The following DCC variants were observed in gnomAD, a reference collection of about 807,000 sequenced individuals.
DCC encodes the protein DCC netrin 1 receptor.
A neutral mutation model predicts 172.5 loss-of-function variants in DCC; 58 were observed. The ratio of observed to expected loss-of-function variants is 0.34; its 90% CI spans 0.27 to 0.42. The LOEUF (loss-of-function observed/expected upper bound fraction) is 0.42, where lower values mean the gene tolerates loss of function less well. DCC is among the 10% of genes least tolerant of loss of function. The pLI is 1.00. For missense variants in DCC, 1,740 were observed against 1,791.0 expected (o/e 0.97, Z 0.51); for synonymous variants, 709 against 644.5 (o/e 1.10, Z -1.52).
intron 1 of DCC, among the ~76,000 whole-genome samples, chr18:52,459,587 C>T (rs940286175): frequency 2.0e-5 from 3 of 152,030 alleles, no homozygotes; most frequent in African/African-American, 7.2e-5. Context: ...TCTGCCTCAG[C>T]CTCCCCAGTA....
At chr18:53,502,051 C>G (rs1024067824) in intron 27 of DCC, among the ~76,000 whole-genome samples, 1 of 152,128 alleles carries the variant, frequency 6.6e-6, no homozygotes, top group Non-Finnish European at 1.5e-5. Context: ...AAGAACCATT[C>G]TCTGATCTAA....
intron 8 of DCC, among the ~76,000 whole-genome samples, chr18:53,164,990 G>A (rs891144452): frequency 2.6e-5 from 4 of 152,250 alleles, no homozygotes; most frequent in Admixed American, 1.3e-4. Flanking sequence ...CTAGTCCAGT[G>A]ATCTCTTCAC....
chr18:53,022,539 ATGTG>A (rs1426863654), intron 5 of DCC, among the ~76,000 whole-genome samples: 1 of 117,722 alleles, frequency 8.5e-6, no homozygotes, highest in African/African-American at 2.7e-5. Flanking sequence ...TTATATATAT[ATGTG>A]CGTGTGTGTG....
chr18:52,579,674 G>T (rs1431217403), intron 1 of DCC, among the ~76,000 whole-genome samples: 3 of 152,132 alleles, frequency 2.0e-5, no homozygotes, highest in Non-Finnish European at 4.4e-5. Flanking sequence ...TCTTCAATCT[G>T]CATGCAGTTC....
At chr18:52,355,590 C>G (rs193106325) in intron 1 of DCC, among the ~76,000 whole-genome samples, 1 of 152,104 alleles carries the variant, frequency 6.6e-6, no homozygotes, top group Non-Finnish European at 1.5e-5. Flanking sequence ...TTTGTTCATT[C>G]GACAGATGTT....
intron 1 of DCC, among the ~76,000 whole-genome samples, chr18:52,723,188 T>G (rs1349806837): frequency 6.6e-6 from 1 of 152,180 alleles, no homozygotes; most frequent in Non-Finnish European, 1.5e-5. Flanking sequence ...GAACTCTCCT[T>G]ATATTGTTTG....
intron 1 of DCC, among the ~76,000 whole-genome samples, chr18:52,624,091 A>G (rs2034528833): frequency 6.6e-6 from 1 of 152,166 alleles, no homozygotes; most frequent in Admixed American, 6.5e-5. Flanking sequence ...AATGAAAGGA[A>G]CTTAACATAT....
chr18:53,195,743 T>C (rs1385649246), intron 9 of DCC, among the ~76,000 whole-genome samples: 3 of 152,162 alleles, frequency 2.0e-5, no homozygotes, highest in African/African-American at 7.2e-5. Flanking sequence ...CAATTCTTAA[T>C]TGTTCTTCAA....
At chr18:52,716,729 T>A (rs1021542409) in intron 1 of DCC, among the ~76,000 whole-genome samples, 7 of 152,368 alleles carry the variant, frequency 4.6e-5, no homozygotes, top group African/African-American at 1.7e-4. Flanking sequence ...ATGAGCCTCA[T>A]AAAGACTATG....
chr18:52,663,446 G>T (rs935373644), intron 1 of DCC, among the ~76,000 whole-genome samples: 3 of 152,112 alleles, frequency 2.0e-5, no homozygotes, highest in East Asian at 1.9e-4. Context: ...GAGGAGTGTT[G>T]TACTGCTAAG....
chr18:52,631,325 A>C (rs146971484), intron 1 of DCC, among the ~76,000 whole-genome samples: 1 of 152,244 alleles, frequency 6.6e-6, no homozygotes, highest in Non-Finnish European at 1.5e-5. Context: ...AAACAGAAAA[A>C]GCTTAGAGGA....
chr18:52,813,647 G>A (rs2038239637), intron 2 of DCC, among the ~76,000 whole-genome samples: 2 of 152,172 alleles, frequency 1.3e-5, no homozygotes, highest in South Asian at 4.1e-4. Flanking sequence ...ATCATTCTTG[G>A]TATATCTGTG....
At chr18:52,851,782 G>C (rs569450388) in intron 2 of DCC, among the ~76,000 whole-genome samples, 2 of 152,168 alleles carry the variant, frequency 1.3e-5, no homozygotes, top group South Asian at 4.1e-4. Flanking sequence ...CCTTATTCTA[G>C]CTGCTGGATA....
intron 5 of DCC, among the ~76,000 whole-genome samples, chr18:52,987,109 T>C (rs1436096416): frequency 6.6e-6 from 1 of 152,010 alleles, no homozygotes; most frequent in Non-Finnish European, 1.5e-5. Flanking sequence ...GGCGTGAGAC[T>C]CCGCGCCTGG....
In DCC at chr18:52,936,889, A is replaced by G. The variant is rs1301796817; in HGVS notation, c.985+11519A>G. ...CAATTTTCAAAGACTAGGGAGCAAT[A>G]TATGCCATTTCTTCATACACTTTTA... On this transcript the variant is annotated intron_variant, in intron 5 of 28. Coordinates refer to ENST00000442544, the MANE Select transcript of DCC (RefSeq NM_005215.4). 2.0e-5 allele frequency among the ~76,000 whole-genome samples: 3 copies of G among 152,332 alleles called. No homozygotes were observed. The East Asian group carries it at 5.8e-4, about 29-fold the overall frequency.
In DCC at chr18:53,391,696, T is replaced by A. The variant is rs1908558544; in HGVS notation, c.2497T>A (p.Phe833Ile). ...PVDYYPLLDD[F>I]PTSVPDLSTP... ...TGATTATTATCCTTTGCTTGATGAT[T>A]TCCCCACCTCGGTCCCAGATCTCTC... Residue 833 changes from phenylalanine to isoleucine, a missense_variant, in exon 17 of 29, where the codon TTC (phenylalanine) becomes ATC (isoleucine). This residue lies in a region of DCC where 1,732 missense variants were observed against 1,767.4 expected (regional missense o/e 0.98). Transcript: ENST00000442544. 1 of 1,614,010 alleles carries A rather than the reference T, an allele frequency of 6.2e-7. No individual in the cohort carries two copies. The highest frequency in any genetic ancestry group is 1.3e-5 in the African/African-American group (1 of 74,920).
chr18:53,233,958 A>G (rs1397881933), intron 12 of DCC, among the ~76,000 whole-genome samples: 1 of 151,892 alleles, frequency 6.6e-6, no homozygotes, highest in Non-Finnish European at 1.5e-5. Flanking sequence ...TACTAAAAAT[A>G]CAAAAATTAG....
chr18:53,450,638 G>T lies in DCC; in HGVS notation c.3368G>T (p.Arg1123Leu). ...VVVIVAVICT[R>L]RSSAQQRKKR... Reference sequence around the variant, plus strand: ...GTCATCGTGGCTGTGATTTGCACCCGACGCTCTTCAGCCCAGCAGAGAAAG... The same window carrying T: ...GTCATCGTGGCTGTGATTTGCACCCTACGCTCTTCAGCCCAGCAGAGAAAG... Residue 1123 changes from arginine to leucine, a missense_variant, in exon 23 of 29, where the codon CGA (arginine) becomes CTA (leucine). This residue lies in a region of DCC where 1,732 missense variants were observed against 1,767.4 expected (regional missense o/e 0.98). Transcript: ENST00000442544. The T allele has an allele frequency of 6.2e-7, 1 of 1,613,756 alleles. No individual in the cohort carries two copies. The highest frequency in any genetic ancestry group is 8.5e-7 in the Non-Finnish European group (1 of 1,179,754).
intron 1 of DCC, among the ~76,000 whole-genome samples, chr18:52,373,757 TA>T (rs1985223604): frequency 6.6e-6 from 1 of 152,196 alleles, no homozygotes; most frequent in South Asian, 2.1e-4. Context: ...TGGGCTTTTG[TA>T]GCCTAAATGA....
Sources: allele counts gnomAD v4.1 joint callset (sites outside exome capture counted in the v4.1 genomes callset), GRCh38; gene constraint gnomAD v4.1.1; regional missense constraint gnomAD v4.1.1; transcripts MANE v1.5; gene names NCBI Gene and HGNC (gene_info 2026-07-23, HGNC 2026-07-21).